Variants in NRXN3 observed in about 807,000 individuals in gnomAD.
NRXN3 encodes neurexin III.
A neutral mutation model predicts 137.6 loss-of-function variants in NRXN3; 32 were observed. The ratio of observed to expected loss-of-function variants is 0.23; its 90% CI spans 0.18 to 0.31. The LOEUF (loss-of-function observed/expected upper bound fraction) is 0.31. Ranked by LOEUF, NRXN3 falls within the 10% of genes least tolerant of loss-of-function variation. The probability of loss-of-function intolerance (pLI) is 1.00; values close to 1 mark genes in which losing one functional copy is unlikely to be tolerated. For synonymous variants in NRXN3, 798 were observed against 784.5 expected (o/e 1.02, Z -0.29); for missense variants, 1,574 against 2,062.5 (o/e 0.76, Z 4.59).
At chr14:79,778,010 A>G (rs895773954) in intron 19 of NRXN3, among the ~76,000 whole-genome samples, 4 of 152,094 alleles carry the variant, frequency 2.6e-5, no homozygotes, top group African/African-American at 7.2e-5. Context: ...TAACTTCTCT[A>G]TAAACCTCCT....
rs201924778 is a variant in NRXN3, at chr14:79,724,515, G to GGA, written c.4014+26580_4014+26581dup. 6.4e-3 allele frequency among the ~76,000 whole-genome samples: 978 copies of GGA among 152,220 alleles called. 40 individuals carry two copies. The highest frequency in any genetic ancestry group is 0.058 in the Admixed American group (887 of 15,270). On this transcript the variant is annotated intron_variant, in intron 19 of 20. Coordinates refer to ENST00000335750, the MANE Select transcript of NRXN3 (RefSeq NM_001330195.2). ...TTGTCACAATTGAAAAGGAATGTAT[G>GGA]GAGGTGTTGCTGTTATCCAGTGAGC...
chr14:79,070,152 T>C (rs1202033219), intron 15 of NRXN3, among the ~76,000 whole-genome samples: 2 of 152,180 alleles, frequency 1.3e-5, no homozygotes, highest in Non-Finnish European at 2.9e-5. Flanking sequence ...CCTATGTTTG[T>C]TCGGGATAGC....
chr14:79,229,706 G>T (rs1047006927), intron 15 of NRXN3, among the ~76,000 whole-genome samples: 2 of 152,082 alleles, frequency 1.3e-5, no homozygotes, highest in African/African-American at 4.8e-5. Context: ...TCTCCCAGTG[G>T]AGAGCAGCTC....
At chr14:78,905,601 A>G (rs1198145180) in intron 10 of NRXN3, among the ~76,000 whole-genome samples, 1 of 152,092 alleles carries the variant, frequency 6.6e-6, no homozygotes, top group Non-Finnish European at 1.5e-5. Flanking sequence ...AGGAGAACTA[A>G]TACATTTTTC....
intron 16 of NRXN3, among the ~76,000 whole-genome samples, chr14:79,619,790 C>G (rs2098202065): frequency 6.6e-6 from 1 of 152,010 alleles, no homozygotes; most frequent in Admixed American, 6.6e-5. Context: ...GAAGATCTCC[C>G]AATCTACTGA....
intron 1 of NRXN3, among the ~76,000 whole-genome samples, chr14:78,202,951 A>C (rs1454269470): frequency 1.3e-5 from 2 of 152,218 alleles, no homozygotes; most frequent in Admixed American, 6.5e-5. Flanking sequence ...GCTAGCCAGC[A>C]AGTAGAGATA....
chr14:78,960,424 C>T (rs1200330228), intron 11 of NRXN3, among the ~76,000 whole-genome samples: 3 of 152,020 alleles, frequency 2.0e-5, no homozygotes, highest in Non-Finnish European at 4.4e-5. Context: ...TTCTTTAAGG[C>T]CCCCCTAGTG....
chr14:78,971,472 G>C (rs570669543), intron 14 of NRXN3, among the ~76,000 whole-genome samples: 4 of 151,746 alleles, frequency 2.6e-5, no homozygotes, highest in Admixed American at 6.6e-5. Context: ...ATAAGTATCT[G>C]TATCTATCTA....
intron 4 of NRXN3, among the ~76,000 whole-genome samples, chr14:78,317,055 C>T (rs999600191): frequency 3.9e-5 from 6 of 152,272 alleles, no homozygotes; most frequent in South Asian, 2.1e-4. Context: ...TATGATCTGC[C>T]GTCTGCAAAC....
intron 10 of NRXN3, among the ~76,000 whole-genome samples, chr14:78,828,021 G>A (rs1028971737): frequency 6.6e-6 from 1 of 152,180 alleles, no homozygotes; most frequent in African/African-American, 2.4e-5. Flanking sequence ...GGTTTACTTG[G>A]ACTCTCTGCA....
At chr14:78,755,725 C>T (rs1052646677) in intron 8 of NRXN3, among the ~76,000 whole-genome samples, 17 of 152,132 alleles carry the variant, frequency 1.1e-4, no homozygotes, top group Non-Finnish European at 1.5e-5. Flanking sequence ...TAGCAGTCCC[C>T]TACCAACCTG....
rs1372879601 is a variant in NRXN3 at position 78,920,358 on chromosome 14, C to T, written c.2276-36884C>T. Among the ~76,000 whole-genome samples the T allele has an allele frequency of 2.6e-5, 4 of 152,200 alleles. No individual in the cohort carries two copies. In the East Asian group the frequency reaches 7.7e-4, roughly 29 times the overall value. On this transcript the variant is annotated intron_variant, in intron 10 of 20. Transcript: ENST00000335750. ...AAAAGTGGGAAGTGAAATCTTAAAA[C>T]ACCCCGGAAAATACTGGAAATTTTT...
At chr14:78,560,563 C>T (rs981779339) in intron 4 of NRXN3, among the ~76,000 whole-genome samples, 8 of 152,198 alleles carry the variant, frequency 5.3e-5, no homozygotes, top group Admixed American at 2.0e-4. Flanking sequence ...GCTGACCCCT[C>T]GCTAGCTGCA....
chr14:79,240,619 C>A (rs2074115614), intron 15 of NRXN3, among the ~76,000 whole-genome samples: 1 of 152,128 alleles, frequency 6.6e-6, no homozygotes, highest in Non-Finnish European at 1.5e-5. Context: ...AGAGATCATG[C>A]CCTTTTCTTC....
rs538550524 is a variant in NRXN3 at position 78,538,477 on chromosome 14, T to C, written c.758-106643T>C. Among the ~76,000 whole-genome samples the C allele has an allele frequency of 7.2e-5, 11 of 152,332 alleles. No individual in the cohort carries two copies. In the South Asian group the frequency reaches 2.3e-3, roughly 32 times the overall value. ...CACATTGATTTTGTATCCTGAGACT[T>C]TGCTGAAGTTGCTTATCAGCTTAAG... On this transcript the variant is annotated intron_variant, in intron 4 of 20. Transcript: ENST00000335750.
intron 6 of NRXN3, among the ~76,000 whole-genome samples, chr14:78,705,656 C>A (rs967691009): frequency 6.6e-6 from 1 of 152,162 alleles, no homozygotes; most frequent in African/African-American, 2.4e-5. Flanking sequence ...TTGATCTTGA[C>A]AACAGCCCTG....
chr14:78,509,515 C>T (rs192362118), intron 4 of NRXN3, among the ~76,000 whole-genome samples: 53 of 152,228 alleles, frequency 3.5e-4, no homozygotes, highest in African/African-American at 1.2e-3. Context: ...CACAATGGAA[C>T]TCTGCGATTT....
intron 15 of NRXN3, among the ~76,000 whole-genome samples, chr14:79,237,999 G>A (rs985519188): frequency 6.6e-6 from 1 of 152,034 alleles, no homozygotes; most frequent in Non-Finnish European, 1.5e-5. Flanking sequence ...TTAATTATGA[G>A]GTATTTTTAA....
intron 2 of NRXN3, among the ~76,000 whole-genome samples, chr14:78,246,229 C>G (rs192819077): frequency 2.0e-5 from 3 of 152,288 alleles, no homozygotes; most frequent in Admixed American, 2.0e-4. Flanking sequence ...AAAAAAATCT[C>G]TATACTGTAT....
Sources: allele counts gnomAD v4.1 joint callset (sites outside exome capture counted in the v4.1 genomes callset), GRCh38; gene constraint gnomAD v4.1.1; transcripts MANE v1.5; gene names NCBI Gene and HGNC (gene_info 2026-07-23, HGNC 2026-07-21).